TENM2: variants seen among roughly 807,000 people sequenced by gnomAD.
The protein encoded by TENM2 is teneurin-2.
A neutral mutation model predicts 245.2 loss-of-function variants in TENM2; 52 were observed. That is an observed-to-expected ratio of 0.21 (90% confidence interval 0.17 to 0.27). The LOEUF is 0.27. Among genes scored for constraint, TENM2 ranks in the 10% least tolerant of loss-of-function variants. The pLI, the probability that TENM2 is intolerant of heterozygous loss-of-function variation, is 1.00. For synonymous variants in TENM2, 1,363 were observed against 1,438.9 expected (o/e 0.95, Z 1.19); for missense variants, 3,046 against 3,666.8 (o/e 0.83, Z 4.37).
intron 2 of TENM2, among the ~76,000 whole-genome samples, chr5:167,859,908 T>G (rs1402770454): frequency 2.2e-4 from 2 of 8,974 alleles, no homozygotes; most frequent in Admixed American, 6.2e-4. Flanking sequence ...GGGAGGGAGG[T>G]GGGGGGGTCG....
intron 2 of TENM2, among the ~76,000 whole-genome samples, chr5:167,497,000 C>G (rs994744665): frequency 1.3e-5 from 2 of 151,900 alleles, no homozygotes; most frequent in African/African-American, 4.8e-5. Context: ...TCATTTTAAT[C>G]ATTCTAGGTG....
At chr5:167,927,847 G>T (rs1777881267) in intron 3 of TENM2, among the ~76,000 whole-genome samples, 1 of 152,148 alleles carries the variant, frequency 6.6e-6, no homozygotes, top group African/African-American at 2.4e-5. Context: ...GGTCCTGAGT[G>T]CCTGCCCACC....
At chr5:167,649,321 C>A (rs370640051) in intron 2 of TENM2, among the ~76,000 whole-genome samples, 99 of 152,256 alleles carry the variant, frequency 6.5e-4, no homozygotes, top group African/African-American at 2.3e-3. Flanking sequence ...TTAAAGGCTG[C>A]AAAATGCTTC....
At chr5:167,298,160 C>T (rs1021163953) in intron 1 of TENM2, among the ~76,000 whole-genome samples, 9 of 151,812 alleles carry the variant, frequency 5.9e-5, no homozygotes, top group Non-Finnish European at 1.2e-4. Flanking sequence ...CTGCCTCGAG[C>T]GGGATTGGGG....
At chr5:168,191,613 C>T (rs749465397) in intron 14 of TENM2, among the ~76,000 whole-genome samples, 1 of 151,366 alleles carries the variant, frequency 6.6e-6, no homozygotes, top group African/African-American at 2.5e-5. Flanking sequence ...GCAGCCCTGA[C>T]GACCCCCATT....
intron 2 of TENM2, among the ~76,000 whole-genome samples, chr5:167,439,994 G>A (rs1217758939): frequency 6.6e-6 from 1 of 152,096 alleles, no homozygotes; most frequent in Non-Finnish European, 1.5e-5. Context: ...TCTTGTAGCT[G>A]GAAAAATGTC....
intron 3 of TENM2, among the ~76,000 whole-genome samples, chr5:167,891,622 T>C (rs140447304): frequency 3.0e-3 from 459 of 152,236 alleles, no homozygotes; most frequent in Admixed American, 5.6e-3. Context: ...TTTGTTACTG[T>C]TTTTATGTTT....
At chr5:167,665,728 G>A (rs1299544032) in intron 2 of TENM2, among the ~76,000 whole-genome samples, 1 of 152,086 alleles carries the variant, frequency 6.6e-6, no homozygotes, top group African/African-American at 2.4e-5. Flanking sequence ...AAAATAATGT[G>A]GCGTGTAATA....
the TENM2 span, among the ~76,000 whole-genome samples, chr5:167,262,069 A>G: frequency 2.6e-5 from 4 of 152,354 alleles, no homozygotes; most frequent in South Asian, 6.2e-4. Flanking sequence ...TGACATATTT[A>G]TTTCAATTTT....
Position 168,002,270 on chromosome 5 carries a change from T to C in TENM2, c.1186+9088T>C, listed in dbSNP as rs149315135. 2.2e-3 allele frequency among the ~76,000 whole-genome samples: 339 copies of C among 152,300 alleles called. 3 individuals carry two copies. The highest frequency in any genetic ancestry group is 0.01 in the Middle Eastern group (3 of 294). On this transcript the variant is annotated intron_variant, in intron 5 of 28. Coordinates refer to ENST00000518659, the Ensembl canonical transcript of TENM2. ...GTTAGGTCATTTGTGGGGAGATTCG[T>C]GCAAACATGTTCGGCACTCCCCTAG...
At chr5:167,730,730 G>A (rs982838764) in intron 2 of TENM2, among the ~76,000 whole-genome samples, 3 of 152,096 alleles carry the variant, frequency 2.0e-5, no homozygotes, top group Non-Finnish European at 4.4e-5. Flanking sequence ...ACAAAAGCTG[G>A]CTTTTTTTAT....
chr5:167,741,517 T>G (rs1379992828), intron 2 of TENM2, among the ~76,000 whole-genome samples: 1 of 152,190 alleles, frequency 6.6e-6, no homozygotes, highest in Non-Finnish European at 1.5e-5. Flanking sequence ...CAAGTCTGCC[T>G]TGGCTTCACA....
chr5:168,022,839 T>C lies in TENM2; in HGVS notation c.1187-24588T>C, dbSNP rs571052771. On this transcript the variant is annotated intron_variant, in intron 5 of 28. Transcript: ENST00000518659. The stretch of plus-strand genomic sequence containing the variant: ...AAATGGTTTTTTTACCCCTCTGAGA[T>C]TGGGGACTCAGGGGCAGCCGTGTCT... Among the ~76,000 whole-genome samples, 7 of 152,290 alleles carry C rather than the reference T, an allele frequency of 4.6e-5. 1 individual carries two copies. Among genetic ancestry groups the C allele is most frequent in the African/African-American group, 1.4e-4 (6 of 41,566 alleles).
chr5:167,611,291 G>C (rs1258700227), intron 2 of TENM2, among the ~76,000 whole-genome samples: 3 of 151,956 alleles, frequency 2.0e-5, no homozygotes, highest in Non-Finnish European at 2.9e-5. Flanking sequence ...ATATAAAACA[G>C]ATCAAAGAGG....
At chr5:168,162,652 C>A in exon 13 of TENM2, 1 of 1,614,014 alleles carries the variant, frequency 6.2e-7, no homozygotes, top group Non-Finnish European at 8.5e-7. Flanking sequence ...GAGATGCACA[C>A]TGGGTCAGAA....
In TENM2 at chr5:168,097,402, A is replaced by AT. The variant is rs572456893; in HGVS notation, c.1712-618dup. 2.6e-5 allele frequency among the ~76,000 whole-genome samples: 4 copies of AT among 151,892 alleles called. No homozygotes were observed. The South Asian group carries it at 6.2e-4, about 24-fold the overall frequency. ...GTTTTTAAATCCAGACTGATAGTTTATTTTTTCTATTGTTTTGTTTTGTTT... is the reference window on the plus strand; with the variant it reads ...GTTTTTAAATCCAGACTGATAGTTTATTTTTTTCTATTGTTTTGTTTTGTTT... On this transcript the variant is annotated intron_variant, in intron 8 of 28. Transcript: ENST00000518659.
At chr5:167,723,317 C>G (rs1759763804) in intron 2 of TENM2, among the ~76,000 whole-genome samples, 1 of 152,182 alleles carries the variant, frequency 6.6e-6, no homozygotes, top group Non-Finnish European at 1.5e-5. Flanking sequence ...CACTCTCTCC[C>G]TTGCTCACTC....
chr5:167,590,023 C>T (rs1335497964), intron 2 of TENM2, among the ~76,000 whole-genome samples: 2 of 151,442 alleles, frequency 1.3e-5, no homozygotes, highest in East Asian at 1.9e-4. Flanking sequence ...ATAGTAATTA[C>T]TTTGTTTGAT....
chr5:167,874,722 C>A lies in TENM2; in HGVS notation c.503-1264C>A, dbSNP rs116095392. 4.2e-3 allele frequency among the ~76,000 whole-genome samples: 645 copies of A among 152,318 alleles called. 3 individuals are homozygous for A. The highest frequency in any genetic ancestry group is 0.014 in the African/African-American group (592 of 41,578). On this transcript the variant is annotated intron_variant, in intron 2 of 28. Transcript: ENST00000518659. The stretch of plus-strand genomic sequence containing the variant: ...AAAGTATAGGTGGTGATTGTCCTCA[C>A]CCAGCAATTTGGCTGCCAGGAGCTC...
Sources: allele counts gnomAD v4.1 joint callset (sites outside exome capture counted in the v4.1 genomes callset), GRCh38; gene constraint gnomAD v4.1.1; transcripts MANE v1.5; gene names NCBI Gene and HGNC (gene_info 2026-07-23, HGNC 2026-07-21).